The following ANKRD44 variants were observed in gnomAD, a reference collection of about 807,000 sequenced individuals.
The protein encoded by ANKRD44 is ankyrin repeat domain 44, also known as serine/threonine-protein phosphatase 6 regulatory ankyrin repeat subunit B.
A neutral mutation model predicts 116.0 loss-of-function variants in ANKRD44; 35 were observed. The ratio of observed to expected loss-of-function variants is 0.30; its 90% CI spans 0.23 to 0.40. The LOEUF (loss-of-function observed/expected upper bound fraction) is 0.40, where lower values mean the gene tolerates loss of function less well. Among genes scored for constraint, ANKRD44 ranks in the 10% least tolerant of loss-of-function variants. The probability of loss-of-function intolerance (pLI) is 1.00; values close to 1 mark genes in which losing one functional copy is unlikely to be tolerated. For missense variants in ANKRD44, 1,014 were observed against 1,242.6 expected (o/e 0.82, Z 2.77); for synonymous variants, 435 against 461.8 (o/e 0.94, Z 0.74).
intron 21 of ANKRD44, among the ~76,000 whole-genome samples, chr2:197,002,618 G>T (rs546227956): frequency 6.6e-6 from 1 of 152,304 alleles, no homozygotes; most frequent in South Asian, 2.1e-4. Context: ...CCTCAGTGTG[G>T]TTTGTGACGT....
At chr2:197,233,335 T>C (rs1279134173) in intron 1 of ANKRD44, among the ~76,000 whole-genome samples, 1 of 152,204 alleles carries the variant, frequency 6.6e-6, no homozygotes. Context: ...TTCCCAGAAA[T>C]GATCAATGTG....
chr2:197,106,162 C>A (rs1166229909), intron 9 of ANKRD44, among the ~76,000 whole-genome samples: 3 of 152,166 alleles, frequency 2.0e-5, no homozygotes, highest in African/African-American at 7.2e-5. Context: ...AGATAACTGG[C>A]CAGGCACGGT....
At chr2:197,034,049 C>CCAGAGAGAGAGAGAGAGAGA (rs1491563139) in intron 16 of ANKRD44, among the ~76,000 whole-genome samples, 2 of 13,244 alleles carry the variant, frequency 1.5e-4, no homozygotes, top group South Asian at 5.6e-3. Flanking sequence ...CATATGAGGG[C>CCAGAGAGAGAGAGAGAGAGA]TAGAGAGAGA....
intron 1 of ANKRD44, among the ~76,000 whole-genome samples, chr2:197,208,098 A>G (rs2081248431): frequency 6.6e-6 from 1 of 152,214 alleles, no homozygotes; most frequent in Non-Finnish European, 1.5e-5. Flanking sequence ...GTTACTGTCA[A>G]TGCTCAAAGA....
intron 2 of ANKRD44, among the ~76,000 whole-genome samples, chr2:197,164,692 C>A (rs896450190): frequency 2.0e-5 from 3 of 152,180 alleles, no homozygotes; most frequent in Non-Finnish European, 4.4e-5. Flanking sequence ...CGCCACCAGG[C>A]CTCCGCTCAT....
At chr2:197,247,461 C>A (rs1286361840) in intron 1 of ANKRD44, among the ~76,000 whole-genome samples, 2 of 152,186 alleles carry the variant, frequency 1.3e-5, no homozygotes, top group Non-Finnish European at 2.9e-5. Flanking sequence ...AGGGAAATCA[C>A]ATTGACAGAA....
At chr2:197,147,816 A>G (rs990248202) in intron 2 of ANKRD44, 3 of 449,986 alleles carry the variant, frequency 6.7e-6, no homozygotes, top group Non-Finnish European at 1.3e-5. Flanking sequence ...GGAGATGGGA[A>G]TAAGAGTGGT....
chr2:197,033,231 A>C (rs2076741340), intron 16 of ANKRD44, among the ~76,000 whole-genome samples: 1 of 152,288 alleles, frequency 6.6e-6, no homozygotes, highest in Middle Eastern at 3.4e-3. Flanking sequence ...AAGAGTCTGC[A>C]GAGAGGATTA....
At chr2:197,215,539 A>C (rs2125709309) in intron 1 of ANKRD44, among the ~76,000 whole-genome samples, 1 of 152,236 alleles carries the variant, frequency 6.6e-6, no homozygotes, top group South Asian at 2.1e-4. Context: ...ATTAGAGAAA[A>C]TCTCCGCAAA....
intron 16 of ANKRD44, among the ~76,000 whole-genome samples, chr2:197,054,486 G>A (rs2077168195): frequency 6.6e-6 from 1 of 152,162 alleles, no homozygotes; most frequent in Non-Finnish European, 1.5e-5. Flanking sequence ...TAAAATTAAA[G>A]TCTATATAGT....
At chr2:197,105,238 C>T (rs542348237) in intron 9 of ANKRD44, among the ~76,000 whole-genome samples, 76 of 152,132 alleles carry the variant, frequency 5.0e-4, no homozygotes, top group Non-Finnish European at 9.3e-4. Flanking sequence ...CTCATCCTCC[C>T]GAGTAGCTGG....
intron 2 of ANKRD44, among the ~76,000 whole-genome samples, chr2:197,177,624 A>T (rs900096565): frequency 6.6e-6 from 1 of 152,096 alleles, no homozygotes. Flanking sequence ...ATTTATATAA[A>T]TTTTTTACCA....
chr2:197,080,469 C>G (rs899827187), intron 15 of ANKRD44, among the ~76,000 whole-genome samples: 5 of 152,190 alleles, frequency 3.3e-5, no homozygotes, highest in Non-Finnish European at 5.9e-5. Flanking sequence ...CCCCTGCCCC[C>G]CTACCTTTCT....
intron 16 of ANKRD44, among the ~76,000 whole-genome samples, chr2:197,041,864 C>G (rs116774542): frequency 3.4e-4 from 52 of 152,128 alleles, no homozygotes; most frequent in African/African-American, 1.3e-3. Flanking sequence ...CAACAGAAAG[C>G]AAGAGCACAT....
In ANKRD44 at chr2:197,025,273, G is replaced by A; in HGVS notation, c.1651-6C>T. 6.2e-7 allele frequency: 1 copy of A among 1,608,472 alleles called. No individual in the cohort carries two copies. The highest frequency in any genetic ancestry group is 8.5e-7 in the Non-Finnish European group (1 of 1,175,540). On this transcript the variant is annotated splice_region_variant and splice_polypyrimidine_tract_variant and intron_variant, in intron 16 of 27. Transcript: ENST00000282272. ...CTGTTTGTTCTTTCCAAAAGCTGTG[G>A]AGACAAAAAGCAAACAATAGTACGT...
intron 1 of ANKRD44, among the ~76,000 whole-genome samples, chr2:197,258,324 T>C (rs2082510087): frequency 7.5e-6 from 1 of 132,678 alleles, no homozygotes; most frequent in Non-Finnish European, 1.5e-5. Context: ...GGTTTCACCA[T>C]GCTGGCCAGG....
intron 9 of ANKRD44, among the ~76,000 whole-genome samples, chr2:197,101,283 G>A (rs898253596): frequency 2.0e-5 from 3 of 151,662 alleles, no homozygotes; most frequent in Non-Finnish European, 4.4e-5. Context: ...CCCAAATCAC[G>A]AGTTGTGTTG....
chr2:197,158,113 G>A (rs1168238314), intron 2 of ANKRD44, among the ~76,000 whole-genome samples: 2 of 152,172 alleles, frequency 1.3e-5, no homozygotes, highest in Admixed American at 6.5e-5. Context: ...TGGTGCCAGC[G>A]AAACAGGAAT....
At chr2:196,985,623 T>C (rs2075831491), downstream of ANKRD44, among the ~76,000 whole-genome samples, 1 of 152,196 alleles carries the variant, frequency 6.6e-6, no homozygotes, top group African/African-American at 2.4e-5. Context: ...CTTCAAAAAT[T>C]CAAGTTGTAT....
Sources: allele counts gnomAD v4.1 joint callset (sites outside exome capture counted in the v4.1 genomes callset), GRCh38; gene constraint gnomAD v4.1.1; transcripts MANE v1.5; gene names NCBI Gene and HGNC (gene_info 2026-07-23, HGNC 2026-07-21).